The following YWHAE variants were observed in gnomAD, a reference collection of about 807,000 sequenced individuals.
YWHAE encodes tyrosine 3-monooxygenase/tryptophan 5-monooxygenase activation protein epsilon, also known as 14-3-3 protein epsilon.
A neutral mutation model predicts 30.1 loss-of-function variants in YWHAE; 4 were observed. The ratio of observed to expected loss-of-function variants is 0.13; its 90% confidence interval spans 0.07 to 0.30. YWHAE has a LOEUF of 0.30. Ranked by LOEUF, YWHAE falls within the 10% of genes least tolerant of loss-of-function variation. The pLI is 1.00. For synonymous variants in YWHAE, 118 were observed against 111.8 expected (o/e 1.06, Z -0.35); for missense variants, 121 against 315.9 (o/e 0.38, Z 4.68).
intron 1 of YWHAE, among the ~76,000 whole-genome samples, chr17:1,393,450 A>C (rs560453615): frequency 2.0e-5 from 3 of 152,238 alleles, no homozygotes; most frequent in African/African-American, 7.2e-5. Flanking sequence ...TCTTTTCTTG[A>C]GACAGGCTCT....
At chr17:1,348,515 G>A (rs1459832903) in intron 5 of YWHAE, among the ~76,000 whole-genome samples, 1 of 152,152 alleles carries the variant, frequency 6.6e-6, no homozygotes, top group Non-Finnish European at 1.5e-5. Flanking sequence ...TAAACTAAAT[G>A]CAAAGTCACA....
At chr17:1,346,830 T>TAC (rs2072527061) in intron 5 of YWHAE, among the ~76,000 whole-genome samples, 2 of 144,962 alleles carry the variant, frequency 1.4e-5, no homozygotes, top group African/African-American at 2.6e-5. Context: ...ACTGAAAAAA[T>TAC]AATACAAAAA....
intron 1 of YWHAE, 96 bp downstream of exon 1, chr17:1,399,951 G>A (rs2073542387): frequency 2.7e-6 from 4 of 1,492,990 alleles, no homozygotes; most frequent in East Asian, 4.5e-5. Context: ...GGCCAGGCTC[G>A]CAGACGATGC....
chr17:1,355,087 C>T (rs1254958791), intron 4 of YWHAE, among the ~76,000 whole-genome samples: 8 of 96,920 alleles, frequency 8.3e-5, no homozygotes, highest in Non-Finnish European at 1.5e-4. Context: ...CTGGGACAAA[C>T]GGTACACACT....
intron 1 of YWHAE, among the ~76,000 whole-genome samples, chr17:1,386,503 CAGTA>C (rs562476840): frequency 6.6e-6 from 1 of 152,326 alleles, no homozygotes; most frequent in South Asian, 2.1e-4. Flanking sequence ...AGTCGGCATT[CAGTA>C]AGTATTTGTC....
At chr17:1,380,866 T>C (rs2073195953) in intron 1 of YWHAE, among the ~76,000 whole-genome samples, 1 of 152,196 alleles carries the variant, frequency 6.6e-6, no homozygotes, top group South Asian at 2.1e-4. Flanking sequence ...AATTAATGTC[T>C]CACCTACTAT....
At chr17:1,393,689 CCA>C (rs752387896) in intron 1 of YWHAE, among the ~76,000 whole-genome samples, 18 of 152,210 alleles carry the variant, frequency 1.2e-4, no homozygotes, top group Non-Finnish European at 2.5e-4. Flanking sequence ...CCTCGGCCTC[CCA>C]CAGTGCTGGG....
chr17:1,387,451 A>G (rs2073315978), intron 1 of YWHAE, among the ~76,000 whole-genome samples: 1 of 152,232 alleles, frequency 6.6e-6, no homozygotes. Context: ...TAGAAAAGAC[A>G]CTGAAACAAA....
At position 1,345,042 on chromosome 17, in the gene YWHAE, T is replaced by C. The variant is rs769458933; in HGVS notation, c.*405A>G. 1.6e-5 allele frequency: 4 copies of C among 246,194 alleles called. No individual in the cohort carries two copies. Among genetic ancestry groups the C allele is most frequent in the Non-Finnish European group, 3.2e-5 (4 of 126,904 alleles). The allele number at this position is 246,194 out of a possible 1,614,324, so 15.3% of individuals were successfully genotyped here. ...AAACAATTAGAAAAATGAAAACTGA[T>C]ACCACTTATGCCTCTATAGTGTGAT... On this transcript the variant is annotated 3_prime_UTR_variant, in exon 6 of 6. Coordinates refer to ENST00000264335, the MANE Select transcript of YWHAE (RefSeq NM_006761.5).
intron 1 of YWHAE, among the ~76,000 whole-genome samples, chr17:1,397,725 T>C (rs2073495979): frequency 6.6e-6 from 1 of 151,982 alleles, no homozygotes; most frequent in Non-Finnish European, 1.5e-5. Flanking sequence ...AACAAAAAAA[T>C]ACCGCACTCA....
chr17:1,377,037 C>T (rs751190652), intron 1 of YWHAE, among the ~76,000 whole-genome samples: 6 of 151,896 alleles, frequency 4.0e-5, no homozygotes, highest in African/African-American at 9.7e-5. Context: ...CCCCAGCCTC[C>T]CTGGTAGTTA....
chr17:1,389,538 T>C (rs1313039724), intron 1 of YWHAE, among the ~76,000 whole-genome samples: 2 of 151,570 alleles, frequency 1.3e-5, no homozygotes, highest in Non-Finnish European at 2.9e-5. Flanking sequence ...TCTTTCTTTT[T>C]TTTTTTTTTT....
intron 1 of YWHAE, among the ~76,000 whole-genome samples, chr17:1,382,894 A>C (rs1314355076): frequency 6.6e-6 from 1 of 151,914 alleles, no homozygotes; most frequent in Non-Finnish European, 1.5e-5. Flanking sequence ...GTGTGTTGGC[A>C]TATGACTGTA....
chr17:1,394,178 A>G (rs2131432), intron 1 of YWHAE, among the ~76,000 whole-genome samples: 86,313 of 152,016 alleles, frequency 0.57, 27,118 homozygotes, highest in African/African-American at 0.84. Flanking sequence ...CATGATCATA[A>G]AAAAATCTCT....
chr17:1,374,732 G>A (rs1598255832), intron 1 of YWHAE, among the ~76,000 whole-genome samples: 1 of 152,054 alleles, frequency 6.6e-6, no homozygotes, highest in Admixed American at 6.6e-5. Context: ...TATGTTCTCT[G>A]GAGAAATATC....
intron 1 of YWHAE, among the ~76,000 whole-genome samples, chr17:1,387,663 C>G (rs2073319157): frequency 6.6e-6 from 1 of 152,000 alleles, no homozygotes; most frequent in Non-Finnish European, 1.5e-5. Context: ...TTACTGTTTC[C>G]CAGGCTGGAG....
At chr17:1,358,198 C>T (rs936884684) in intron 4 of YWHAE, among the ~76,000 whole-genome samples, 1 of 151,922 alleles carries the variant, frequency 6.6e-6, no homozygotes, top group South Asian at 2.1e-4. Context: ...AGACCAGCTT[C>T]GGCAACACAG....
intron 1 of YWHAE, among the ~76,000 whole-genome samples, chr17:1,377,920 G>A (rs1191750974): frequency 6.6e-6 from 1 of 152,026 alleles, no homozygotes; most frequent in African/African-American, 2.4e-5. Context: ...ATGGTGGCGG[G>A]TGCCTGTAAT....
intron 1 of YWHAE, chr17:1,399,415 T>C (rs1037919981): frequency 1.3e-5 from 2 of 152,680 alleles, no homozygotes; most frequent in African/African-American, 4.8e-5. Context: ...GAAGACGAAC[T>C]GCAGTGATTC....
Sources: gnomAD v4.1 joint callset for allele counts (sites outside exome capture counted in the v4.1 genomes callset) on GRCh38, gnomAD v4.1.1 for gene constraint, MANE v1.5 for transcripts, NCBI Gene and HGNC (gene_info 2026-07-23, HGNC 2026-07-21) for gene names.